ZDHHC7: variants seen among roughly 807,000 people sequenced by gnomAD.
ZDHHC7 encodes the protein palmitoyltransferase ZDHHC7.
In ZDHHC7, 12 loss-of-function variants were observed where a neutral mutation model predicts 34.1. That is an observed-to-expected ratio of 0.35 (90% CI 0.23 to 0.57). The LOEUF (loss-of-function observed/expected upper bound fraction) is 0.57, where lower values mean the gene tolerates loss of function less well. Ranked by LOEUF, ZDHHC7 falls within the 20% of genes least tolerant of loss-of-function variation. The probability of loss-of-function intolerance (pLI) is 0.84; values close to 1 mark genes in which losing one functional copy is unlikely to be tolerated. For missense variants in ZDHHC7, 388 were observed against 402.7 expected (o/e 0.96, Z 0.31); for synonymous variants, 185 against 155.4 (o/e 1.19, Z -1.42).
intron 1 of ZDHHC7, among the ~76,000 whole-genome samples, chr16:84,998,749 CT>C (rs71151260): frequency 0.12 from 13,605 of 112,456 alleles, 327 homozygotes; most frequent in African/African-American, 0.17. Context: ...CCTTCTGAAC[CT>C]TTTTTTTTTT....
chr16:84,983,015 T>A (rs2082961007), intron 3 of ZDHHC7, among the ~76,000 whole-genome samples: 1 of 152,188 alleles, frequency 6.6e-6, no homozygotes, highest in Non-Finnish European at 1.5e-5. Flanking sequence ...AAACCATGTT[T>A]GTGGGAGACA....
the ZDHHC7 span, among the ~76,000 whole-genome samples, chr16:85,022,391 C>A: frequency 6.6e-6 from 1 of 151,974 alleles, no homozygotes; most frequent in African/African-American, 2.4e-5. Context: ...AGGCATGATG[C>A]ACATGCGTGT....
chr16:85,025,759 A>G, the ZDHHC7 span, among the ~76,000 whole-genome samples: 1 of 152,250 alleles, frequency 6.6e-6, no homozygotes, highest in Non-Finnish European at 1.5e-5. Flanking sequence ...TATAACTGAA[A>G]GAATACTGGG....
chr16:84,996,548 G>A (rs1200986047), intron 1 of ZDHHC7, among the ~76,000 whole-genome samples: 1 of 152,114 alleles, frequency 6.6e-6, no homozygotes, highest in African/African-American at 2.4e-5. Flanking sequence ...CCTGACAGAT[G>A]GGAGGGTCGA....
chr16:84,993,927 C>A (rs948292950), intron 2 of ZDHHC7, among the ~76,000 whole-genome samples: 2 of 152,146 alleles, frequency 1.3e-5, no homozygotes, highest in East Asian at 3.8e-4. Context: ...GAGCACTTTG[C>A]GAAGAGGTCT....
chr16:85,017,556 T>C, the ZDHHC7 span, among the ~76,000 whole-genome samples: 1 of 152,158 alleles, frequency 6.6e-6, no homozygotes, highest in Non-Finnish European at 1.5e-5. Flanking sequence ...ACAACCTAAA[T>C]GTCCATGAAC....
intron 3 of ZDHHC7, among the ~76,000 whole-genome samples, chr16:84,987,073 G>C (rs1236610359): frequency 1.3e-5 from 2 of 152,222 alleles, no homozygotes; most frequent in Non-Finnish European, 2.9e-5. Flanking sequence ...AGGACTCAGA[G>C]AGACAGACAA....
At chr16:84,996,888 G>A (rs1295919650) in intron 1 of ZDHHC7, among the ~76,000 whole-genome samples, 9 of 152,022 alleles carry the variant, frequency 5.9e-5, no homozygotes, top group African/African-American at 9.7e-5. Flanking sequence ...TTAGCTGGAC[G>A]TGGTGGTGGG....
At chr16:84,977,293 A>T (rs879492874) in intron 6 of ZDHHC7, 68 bp from the exon 7 acceptor site, 230 of 1,587,452 alleles carry the variant, frequency 1.4e-4, no homozygotes, top group Non-Finnish European at 2.0e-4. Flanking sequence ...TTTGGCTCAG[A>T]GAAGAATCCT....
intron 1 of ZDHHC7, among the ~76,000 whole-genome samples, chr16:85,006,090 G>C (rs752871331): frequency 6.6e-6 from 1 of 152,210 alleles, no homozygotes; most frequent in Admixed American, 6.5e-5. Flanking sequence ...CAGGCCAGAG[G>C]TGGCGGCTCA....
intron 1 of ZDHHC7, among the ~76,000 whole-genome samples, chr16:85,008,655 C>T (rs1184450043): frequency 1.3e-5 from 2 of 151,908 alleles, no homozygotes; most frequent in Admixed American, 6.6e-5. Flanking sequence ...GGTCACACAG[C>T]AAGTTGTTAA....
rs1374298138 is a variant in ZDHHC7, at chr16:84,974,647, C to G, written c.*1696G>C. ...CTCACACTGAAGCCCACACGCATGT[C>G]CAACCCAGACAACAATGTGCAAATG... On this transcript the variant is annotated 3_prime_UTR_variant, in exon 8 of 8. Transcript: ENST00000313732. 6 of 152,658 alleles carry G rather than the reference C, an allele frequency of 3.9e-5. No individual in the cohort carries two copies. Among genetic ancestry groups the G allele is most frequent in the African/African-American group, 1.4e-4 (6 of 41,446 alleles). The allele number at this position is 152,658 out of a possible 1,614,324, so 9.5% of individuals were successfully genotyped here. A position where few individuals can be genotyped will look rare whatever the true frequency, so the allele number is the denominator to read the frequency against.
chr16:84,987,213 T>C (rs1402293391), intron 3 of ZDHHC7, among the ~76,000 whole-genome samples: 1 of 152,240 alleles, frequency 6.6e-6, no homozygotes, highest in Non-Finnish European at 1.5e-5. Context: ...CAGTGACTCC[T>C]GGTGGTTTCT....
At chr16:84,978,962 C>T (rs1185766678) in intron 5 of ZDHHC7, among the ~76,000 whole-genome samples, 1 of 151,832 alleles carries the variant, frequency 6.6e-6, no homozygotes, top group Non-Finnish European at 1.5e-5. Context: ...CGATTGAGGA[C>T]ATCTGGGAGA....
upstream of ZDHHC7, among the ~76,000 whole-genome samples, chr16:85,011,884 G>A (rs2072799438): frequency 2.0e-5 from 3 of 152,208 alleles, no homozygotes; most frequent in Admixed American, 2.0e-4. Context: ...TGTGACCGAA[G>A]GAAATGGGAA....
At chr16:84,977,275 G>A (rs2072310785) in intron 6 of ZDHHC7, 50 bp from the exon 7 acceptor site, 1 of 1,601,290 alleles carries the variant, frequency 6.2e-7, no homozygotes, top group Non-Finnish European at 8.5e-7. Flanking sequence ...ACCCCGAGTG[G>A]CAGAATGTTT....
upstream of ZDHHC7, among the ~76,000 whole-genome samples, chr16:85,012,625 C>G (rs2072808965): frequency 6.6e-6 from 1 of 151,940 alleles, no homozygotes; most frequent in African/African-American, 2.4e-5. Context: ...AGAATAAGGC[C>G]AGGTGTGGTG....
intron 2 of ZDHHC7, 64 bp from the exon 3 acceptor site, chr16:84,990,699 A>G (rs1007304663): frequency 2.9e-6 from 4 of 1,389,786 alleles, no homozygotes; most frequent in Non-Finnish European, 3.9e-6. Flanking sequence ...CTTAAATATG[A>G]TGTGTTACAG....
At chr16:85,023,129 C>T in the ZDHHC7 span, among the ~76,000 whole-genome samples, 1 of 151,854 alleles carries the variant, frequency 6.6e-6, no homozygotes, top group African/African-American at 2.4e-5. Context: ...ACCTCCAGAA[C>T]TGTAAGATAA....
Sources: allele counts gnomAD v4.1 joint callset (sites outside exome capture counted in the v4.1 genomes callset), GRCh38; gene constraint gnomAD v4.1.1; transcripts MANE v1.5; gene names NCBI Gene and HGNC (gene_info 2026-07-23, HGNC 2026-07-21).